ARMH3: variants seen among roughly 807,000 people sequenced by gnomAD.
ARMH3 encodes the protein armadillo-like helical domain-containing protein 3.
ARMH3 carries 60 observed loss-of-function variants against 99.1 expected under a neutral mutation model. The observed-to-expected ratio is 0.61, with a 90% CI of 0.49 to 0.75. The LOEUF (loss-of-function observed/expected upper bound fraction) is 0.75, where lower values mean the gene tolerates loss of function less well. Among genes scored for constraint, ARMH3 ranks in the 30% least tolerant of loss-of-function variants. The pLI, the probability that ARMH3 is intolerant of heterozygous loss-of-function variation, is 0.00. For synonymous variants in ARMH3, 285 were observed against 292.8 expected (o/e 0.97, Z 0.27); for missense variants, 679 against 843.1 (o/e 0.81, Z 2.41).
intron 23 of ARMH3, among the ~76,000 whole-genome samples, chr10:101,936,791 G>A (rs1564769965): frequency 1.3e-5 from 2 of 152,126 alleles, no homozygotes; most frequent in Non-Finnish European, 2.9e-5. Flanking sequence ...TAAGTAAAAT[G>A]TGATACATAC....
At chr10:101,907,385 GT>G (rs773919740) in intron 23 of ARMH3, among the ~76,000 whole-genome samples, 166 of 136,806 alleles carry the variant, frequency 1.2e-3, no homozygotes, top group Admixed American at 1.8e-3. Context: ...CTTTGTTTTT[GT>G]TTTTTTTTTT....
chr10:101,851,000 C>T (rs2066587385), intron 24 of ARMH3, among the ~76,000 whole-genome samples: 1 of 152,206 alleles, frequency 6.6e-6, no homozygotes, highest in Non-Finnish European at 1.5e-5. Context: ...GGATGTTCCT[C>T]AGCACCATCT....
At chr10:102,028,674 G>T (rs2067055315) in intron 5 of ARMH3, among the ~76,000 whole-genome samples, 1 of 152,124 alleles carries the variant, frequency 6.6e-6, no homozygotes, top group African/African-American at 2.4e-5. Flanking sequence ...ATTTATATGA[G>T]GTGTCCAGAA....
In ARMH3 at chr10:101,892,184, A is replaced by T. The variant is rs183094264; in HGVS notation, c.1782-2694T>A. On this transcript the variant is annotated intron_variant, in intron 23 of 25. Coordinates refer to ENST00000370033, the MANE Select transcript of ARMH3 (RefSeq NM_024541.3). ...CGTGGGCTGGGTGCAGTGGCTCACAACTATAATCCCAGCACTTTGGGAGGC... is the reference window on the plus strand; with the variant it reads ...CGTGGGCTGGGTGCAGTGGCTCACATCTATAATCCCAGCACTTTGGGAGGC... Among the ~76,000 whole-genome samples, 515 of 151,036 alleles carry T rather than the reference A, an allele frequency of 3.4e-3. 6 individuals carry two copies. The highest frequency in any genetic ancestry group is 7.8e-3 in the South Asian group (37 of 4,748).
chr10:101,912,220 C>G (rs922605735), intron 23 of ARMH3, among the ~76,000 whole-genome samples: 1 of 151,762 alleles, frequency 6.6e-6, no homozygotes, highest in Non-Finnish European at 1.5e-5. Flanking sequence ...TGGTGAAACC[C>G]CGTCTCTACT....
chr10:102,030,475 G>A lies in ARMH3; in HGVS notation c.307-730C>T, dbSNP rs530584548. ...TGTAATCCCAACACTTTGGGAGGCT[G>A]AGGCAAGTGGATCACCTGAGGTCAG... On this transcript the variant is annotated intron_variant, in intron 4 of 25. Coordinates refer to ENST00000370033, the MANE Select transcript of ARMH3 (RefSeq NM_024541.3). 3.9e-5 allele frequency among the ~76,000 whole-genome samples: 6 copies of A among 152,280 alleles called. No individual in the cohort carries two copies. The East Asian group carries it at 1.2e-3, about 29-fold the overall frequency.
intron 24 of ARMH3, among the ~76,000 whole-genome samples, 198 bp from the exon 25 acceptor site, chr10:101,850,090 C>CTTT (rs754571008): frequency 1.2e-3 from 113 of 91,334 alleles, no homozygotes; most frequent in African/African-American, 1.6e-3. Flanking sequence ...CTCTCTCTCT[C>CTTT]TTTTTTTTTT....
rs573612005 is a variant in ARMH3 at position 102,020,263 on chromosome 10, G to A, written c.669+3214C>T. ...ATCAAGTCGATAGTTGGCCAGGCAC[G>A]GTAGCTCACACCTGTAATCCCAGAA... On this transcript the variant is annotated intron_variant, in intron 8 of 25. Coordinates refer to ENST00000370033, the MANE Select transcript of ARMH3 (RefSeq NM_024541.3). Among the ~76,000 whole-genome samples, 5 of 151,168 alleles carry A rather than the reference G, an allele frequency of 3.3e-5. No individual in the cohort carries two copies. In the East Asian group the frequency reaches 5.9e-4, roughly 18 times the overall value.
chr10:101,861,617 C>G (rs2066870418), intron 24 of ARMH3, among the ~76,000 whole-genome samples: 1 of 150,938 alleles, frequency 6.6e-6, no homozygotes, highest in East Asian at 2.0e-4. Context: ...GTAATCCTAG[C>G]TACTTGGGAG....
At chr10:101,924,204 T>C (rs991797010) in intron 23 of ARMH3, among the ~76,000 whole-genome samples, 1 of 152,106 alleles carries the variant, frequency 6.6e-6, no homozygotes, top group Admixed American at 6.6e-5. Context: ...AAAATACATT[T>C]AACAAAAATA....
intron 14 of ARMH3, among the ~76,000 whole-genome samples, chr10:102,002,555 C>T (rs942459447): frequency 6.6e-6 from 1 of 151,906 alleles, no homozygotes; most frequent in Non-Finnish European, 1.5e-5. Flanking sequence ...CTGGACGTAC[C>T]CATGATAGAG....
At chr10:101,995,469 C>A (rs1243394769) in intron 15 of ARMH3, 114 bp from the exon 16 acceptor site, 2 of 867,072 alleles carry the variant, frequency 2.3e-6, no homozygotes, top group Non-Finnish European at 3.6e-6. Context: ...TCTCTTCCCA[C>A]AAAATCCATA....
intron 20 of ARMH3, among the ~76,000 whole-genome samples, chr10:101,971,632 G>C (rs1845776056): frequency 6.6e-6 from 1 of 152,154 alleles, no homozygotes; most frequent in African/African-American, 2.4e-5. Flanking sequence ...GGGAGGCTGT[G>C]GAACTTAAAA....
chr10:101,966,280 T>G (rs1845536945), intron 20 of ARMH3, among the ~76,000 whole-genome samples: 1 of 130,858 alleles, frequency 7.6e-6, no homozygotes, highest in East Asian at 2.3e-4. Flanking sequence ...TAATTTTTGG[T>G]TTGGGTTTTT....
At position 101,896,099 on chromosome 10, in the gene ARMH3, C is replaced by T. The variant is rs562612571; in HGVS notation, c.1782-6609G>A. The stretch of plus-strand genomic sequence containing the variant: ...AAAAAAAATTAGCCGGGTATGGTGG[C>T]GTGTGCCGGTAGTCCCAGCTACTTG... On this transcript the variant is annotated intron_variant, in intron 23 of 25. Transcript: ENST00000370033. 2.0e-4 allele frequency among the ~76,000 whole-genome samples: 30 copies of T among 152,238 alleles called. 1 individual carries two copies. The South Asian group carries it at 4.8e-3, about 24-fold the overall frequency.
chr10:102,012,971 C>A, intron 9 of ARMH3, 95 bp from the exon 10 acceptor site: 1 of 1,054,030 alleles, frequency 9.5e-7, no homozygotes, highest in Non-Finnish European at 1.4e-6. Context: ...ACTAATTAGC[C>A]CAAGAAGTCC....
intron 22 of ARMH3, among the ~76,000 whole-genome samples, chr10:101,955,877 A>G (rs1845011372): frequency 6.6e-6 from 1 of 152,136 alleles, no homozygotes; most frequent in African/African-American, 2.4e-5. Context: ...ACTTATTAAA[A>G]TTTGTATAAT....
chr10:101,989,900 G>A (rs776591982), intron 19 of ARMH3, among the ~76,000 whole-genome samples: 9 of 152,128 alleles, frequency 5.9e-5, no homozygotes, highest in Non-Finnish European at 8.8e-5. Context: ...CTCTAAATTC[G>A]TCCTACCTAA....
At chr10:101,849,690 T>C in intron 25 of ARMH3, 86 bp downstream of exon 25, 1 of 1,128,544 alleles carries the variant, frequency 8.9e-7, no homozygotes, top group East Asian at 2.4e-5. Context: ...TCTTGTTTTA[T>C]CTGCAGATAA....
Sources: allele counts gnomAD v4.1 joint callset (sites outside exome capture counted in the v4.1 genomes callset), GRCh38; gene constraint gnomAD v4.1.1; transcripts MANE v1.5; gene names NCBI Gene and HGNC (gene_info 2026-07-23, HGNC 2026-07-21).